The following PCDHGB5 variants were observed in gnomAD, a reference collection of about 807,000 sequenced individuals.
PCDHGB5 encodes protocadherin gamma-B5.
PCDHGB5 carries 48 observed loss-of-function variants against 62.9 expected under a neutral mutation model. The ratio of observed to expected loss-of-function variants is 0.76; its 90% CI spans 0.61 to 0.97. PCDHGB5 has a LOEUF of 0.97. PCDHGB5 is among the 50% of genes least tolerant of loss of function. The pLI, the probability that PCDHGB5 is intolerant of heterozygous loss-of-function variation, is 0.00. For synonymous variants in PCDHGB5, 474 were observed against 511.2 expected (o/e 0.93, Z 0.98); for missense variants, 1,118 against 1,198.6 (o/e 0.93, Z 0.99).
intron 1 of PCDHGB5, chr5:141,417,914 C>T: frequency 6.2e-7 from 1 of 1,602,320 alleles, no homozygotes; most frequent in Non-Finnish European, 8.5e-7. Context: ...GGTACTATTT[C>T]CTTTGCTGCT....
At chr5:141,509,758 C>T (rs574741134) in intron 3 of PCDHGB5, among the ~76,000 whole-genome samples, 17 of 152,202 alleles carry the variant, frequency 1.1e-4, no homozygotes. Flanking sequence ...CTAAAGTGTC[C>T]CTGAGATGTC....
In PCDHGB5 at chr5:141,476,707, G is replaced by A. The variant is rs1309848893; in HGVS notation, c.2398-18100G>A. 6.2e-7 allele frequency: 1 copy of A among 1,614,206 alleles called. No individual in the cohort carries two copies. The highest frequency in any genetic ancestry group is 1.7e-5 in the Admixed American group (1 of 60,032). On this transcript the variant is annotated intron_variant, in intron 1 of 3. Coordinates refer to ENST00000617380, the MANE Select transcript of PCDHGB5 (RefSeq NM_018925.3). This position sits in a 1 kb window ranked among gnomAD's most constrained non-coding sequence, Gnocchi z 7.6. ...ACAGCACCAAGTACGCGGAGCTGGT[G>A]TTGGAGCGCGCCCTGGACCGAGAAC...
chr5:141,435,260 T>C (rs1591368331), intron 1 of PCDHGB5, among the ~76,000 whole-genome samples: 1 of 152,236 alleles, frequency 6.6e-6, no homozygotes, highest in African/African-American at 2.4e-5. Context: ...TAGGGATATG[T>C]CCATTTATAC....
chr5:141,430,594 C>T, intron 1 of PCDHGB5: 3 of 563,604 alleles, frequency 5.3e-6, no homozygotes, highest in Non-Finnish European at 5.7e-6. Flanking sequence ...GCCTTGCACG[C>T]GCCTGAAGCA....
chr5:141,454,860 T>G (rs62379170), intron 1 of PCDHGB5, among the ~76,000 whole-genome samples: 5,850 of 133,200 alleles, frequency 0.044, 153 homozygotes, highest in Middle Eastern at 0.11. Context: ...CAGGCTGGAG[T>G]GCAGTGGCAC....
chr5:141,478,672 A>G (rs1216792401), intron 1 of PCDHGB5: 22 of 1,551,540 alleles, frequency 1.4e-5, no homozygotes, highest in Admixed American at 2.0e-5. Flanking sequence ...CACACTTTCA[A>G]CTGGCCCTTC....
At chr5:141,405,450 T>G in intron 1 of PCDHGB5, 7 of 1,286,684 alleles carry the variant, frequency 5.4e-6, no homozygotes, top group South Asian at 1.4e-5. Flanking sequence ...GACAGAGTCT[T>G]ACTCTGTTAC....
intron 2 of PCDHGB5, among the ~76,000 whole-genome samples, chr5:141,501,703 G>A (rs183907124): frequency 6.6e-6 from 1 of 152,088 alleles, no homozygotes; most frequent in Non-Finnish European, 1.5e-5. Flanking sequence ...GTGATTCCGA[G>A]GATAAAAAAG....
At chr5:141,462,896 A>G (rs1280422442) in intron 1 of PCDHGB5, among the ~76,000 whole-genome samples, 1 of 152,142 alleles carries the variant, frequency 6.6e-6, no homozygotes, top group African/African-American at 2.4e-5. Context: ...TTGTTTTGGA[A>G]GGCTATTATG....
rs2154594699 is a variant in PCDHGB5 at position 141,512,507 on chromosome 5, C to T, written c.*1334C>T. 6.5e-6 allele frequency: 1 copy of T among 153,048 alleles called. No individual in the cohort carries two copies. Among genetic ancestry groups the T allele is most frequent in the South Asian group, 2.1e-4 (1 of 4,836 alleles). 9.5% of individuals were successfully genotyped at this position (153,048 alleles called of 1,614,324 possible). ...CACTGCCCAGGTCCCCAGTGCGCCCCCTAGTGGCCATAGCCTGGTTAAAGT... is the reference window on the plus strand; with the variant it reads ...CACTGCCCAGGTCCCCAGTGCGCCCTCTAGTGGCCATAGCCTGGTTAAAGT... On this transcript the variant is annotated 3_prime_UTR_variant, in exon 4 of 4. Transcript: ENST00000617380.
rs1399077321 is a variant in PCDHGB5, at chr5:141,474,090, AAAC to A, written c.2398-20708_2398-20706del. Among the ~76,000 whole-genome samples the A allele has an allele frequency of 2.6e-5, 4 of 152,206 alleles. No individual in the cohort carries two copies. In the East Asian group the frequency reaches 5.8e-4, roughly 22 times the overall value. On this transcript the variant is annotated intron_variant, in intron 1 of 3. Coordinates refer to ENST00000617380, the MANE Select transcript of PCDHGB5 (RefSeq NM_018925.3). ...GCCTCAGAAACAAAAACCAAAAAAC[AAAC>A]AACAACAAAAACAACAACAACGAAA...
At position 141,422,630 on chromosome 5, in the gene PCDHGB5, G is replaced by A. The variant is rs1193466428; in HGVS notation, c.2397+22106G>A. 5 of 1,613,176 alleles carry A rather than the reference G, an allele frequency of 3.1e-6. No homozygotes were observed. The Admixed American group carries it at 8.3e-5, about 27-fold the overall frequency. On this transcript the variant is annotated intron_variant, in intron 1 of 3. Coordinates refer to ENST00000617380, the MANE Select transcript of PCDHGB5 (RefSeq NM_018925.3). ...GCCTACATTCCCGAAAACAACCCCA[G>A]GGGTGCCTCCATCTTCTCAGTGACC...
chr5:141,426,166 G>A (rs545570121), intron 1 of PCDHGB5: 4 of 155,070 alleles, frequency 2.6e-5, no homozygotes, highest in South Asian at 2.0e-4. Context: ...GATTCCATAC[G>A]GATTGGGGTG....
At chr5:141,443,330 C>A (rs1005631067) in intron 1 of PCDHGB5, among the ~76,000 whole-genome samples, 44 of 139,282 alleles carry the variant, frequency 3.2e-4, no homozygotes, top group African/African-American at 4.5e-4. Flanking sequence ...AAAAAAAAAA[C>A]AAAAATTAAC....
chr5:141,475,768 G>A (rs756539564), intron 1 of PCDHGB5, among the ~76,000 whole-genome samples: 5 of 152,280 alleles, frequency 3.3e-5, no homozygotes, highest in South Asian at 2.1e-4. Flanking sequence ...TACTGGCAAG[G>A]CGCTTTGGCT....
intron 1 of PCDHGB5, chr5:141,423,756 GGGGGT>G: frequency 1.1e-5 from 5 of 448,566 alleles, no homozygotes; most frequent in African/African-American, 2.8e-5. Context: ...TGTTTGGGGG[GGGGGT>G]GGGGCGGCAT....
Position 141,432,126 on chromosome 5 carries a change from C to A in PCDHGB5, c.2397+31602C>A. 6.2e-7 allele frequency: 1 copy of A among 1,614,144 alleles called. No homozygotes were observed. Among genetic ancestry groups the A allele is most frequent in the South Asian group, 1.1e-5 (1 of 91,058 alleles). ...AACCCGCCGGTCTTCCCTCAGGCCT[C>A]CTATTCCGCTTATATCCCAGAGAAC... On this transcript the variant is annotated intron_variant, in intron 1 of 3. Transcript: ENST00000617380. The surrounding 1 kb of genome is among the most constrained non-coding windows in gnomAD (Gnocchi z 6.0).
chr5:141,433,587 G>A (rs1228017153), intron 1 of PCDHGB5, among the ~76,000 whole-genome samples: 1 of 152,068 alleles, frequency 6.6e-6, no homozygotes, highest in African/African-American at 2.4e-5. Flanking sequence ...TGTAATCCCA[G>A]TACTTTGGGA....
intron 1 of PCDHGB5, chr5:141,479,417 T>A (rs2099495481): frequency 6.6e-6 from 1 of 152,210 alleles, no homozygotes; most frequent in Non-Finnish European, 1.5e-5. Context: ...ACTATGCTGA[T>A]CAATTGATCA....
Sources: gnomAD v4.1 joint callset for allele counts (sites outside exome capture counted in the v4.1 genomes callset) on GRCh38, gnomAD v4.1.1 for gene constraint, Gnocchi (gnomAD v3.1) non-coding constraint, MANE v1.5 for transcripts, NCBI Gene and HGNC (gene_info 2026-07-23, HGNC 2026-07-21) for gene names.